The following ANO3 variants were observed in gnomAD, a reference collection of about 807,000 sequenced individuals.
The protein encoded by ANO3 is anoctamin 3, also known as anoctamin-3.
In ANO3, 99 loss-of-function variants were observed where a neutral mutation model predicts 144.8. That is an observed-to-expected ratio of 0.68 (90% CI 0.58 to 0.81). The LOEUF is 0.81. ANO3 is among the 30% of genes least tolerant of loss of function. The pLI is 0.00. For synonymous variants in ANO3, 414 were observed against 392.6 expected (o/e 1.05, Z -0.64); for missense variants, 905 against 1,202.2 (o/e 0.75, Z 3.66).
At chr11:26,344,246 C>T (rs1248248107) in intron 1 of ANO3, among the ~76,000 whole-genome samples, 4 of 152,050 alleles carry the variant, frequency 2.6e-5, no homozygotes, top group Non-Finnish European at 5.9e-5. Flanking sequence ...TTACTTTCAC[C>T]ATTTTTTATG....
chr11:26,280,607 T>A (rs952761848), intron 1 of ANO3, among the ~76,000 whole-genome samples: 1 of 152,188 alleles, frequency 6.6e-6, no homozygotes, highest in Non-Finnish European at 1.5e-5. Context: ...CCCACCCAGA[T>A]TGGCGGGTGA....
At chr11:26,567,547 A>G (rs1303685519) in intron 14 of ANO3, among the ~76,000 whole-genome samples, 1 of 151,968 alleles carries the variant, frequency 6.6e-6, no homozygotes, top group African/African-American at 2.4e-5. Flanking sequence ...ATGTGGTACA[A>G]CGTAAATATA....
intron 1 of ANO3, among the ~76,000 whole-genome samples, chr11:26,347,434 C>T (rs985584688): frequency 6.6e-6 from 1 of 152,216 alleles, no homozygotes; most frequent in African/African-American, 2.4e-5. Flanking sequence ...AGGTGACTAT[C>T]TGTGTTCCAG....
intron 1 of ANO3, among the ~76,000 whole-genome samples, chr11:26,236,368 A>C (rs1463357421): frequency 2.0e-5 from 3 of 152,186 alleles, no homozygotes; most frequent in Non-Finnish European, 4.4e-5. Flanking sequence ...TCTCATCAAT[A>C]TATTATACTA....
At chr11:26,378,186 A>G (rs1856466550) in intron 1 of ANO3, among the ~76,000 whole-genome samples, 1 of 151,712 alleles carries the variant, frequency 6.6e-6, no homozygotes, top group African/African-American at 2.4e-5. Context: ...GCTGGTAAAT[A>G]AATATAAATC....
chr11:26,404,747 T>A (rs542236459), intron 1 of ANO3, among the ~76,000 whole-genome samples: 1 of 151,830 alleles, frequency 6.6e-6, no homozygotes, highest in Non-Finnish European at 1.5e-5. Flanking sequence ...AATCTTGAGA[T>A]AAAAATCTAT....
chr11:26,267,123 A>G (rs921140299), intron 1 of ANO3, among the ~76,000 whole-genome samples: 1 of 151,436 alleles, frequency 6.6e-6, no homozygotes, highest in Non-Finnish European at 1.5e-5. Flanking sequence ...AAGAAAAGAA[A>G]AAGACTTTTG....
At chr11:26,488,664 G>A (rs1860569152) in intron 4 of ANO3, among the ~76,000 whole-genome samples, 2 of 152,202 alleles carry the variant, frequency 1.3e-5, no homozygotes, top group Admixed American at 1.3e-4. Flanking sequence ...GTTCCTCCCA[G>A]TGGGTTCATG....
chr11:26,513,347 A>G (rs893616839), intron 5 of ANO3, among the ~76,000 whole-genome samples: 17 of 152,158 alleles, frequency 1.1e-4, no homozygotes, highest in Admixed American at 3.3e-4. Flanking sequence ...AGTGTGAGCA[A>G]AGAAGCTGCT....
chr11:26,414,645 G>A (rs528614362), intron 1 of ANO3, among the ~76,000 whole-genome samples: 1 of 151,582 alleles, frequency 6.6e-6, no homozygotes, highest in African/African-American at 2.4e-5. Context: ...ATGCTTGCAG[G>A]GCTTAAATCC....
intron 14 of ANO3, among the ~76,000 whole-genome samples, chr11:26,582,134 A>G (rs899314069): frequency 6.6e-6 from 1 of 152,188 alleles, no homozygotes; most frequent in Non-Finnish European, 1.5e-5. Context: ...AACCCAGAAC[A>G]TCCCTACTCT....
intron 1 of ANO3, among the ~76,000 whole-genome samples, chr11:26,418,815 A>T (rs1465390523): frequency 6.6e-6 from 1 of 152,036 alleles, no homozygotes; most frequent in Non-Finnish European, 1.5e-5. Context: ...GTAAATGAAG[A>T]GGCATAGATT....
chr11:26,653,010 G>C (rs1272793429), intron 24 of ANO3, among the ~76,000 whole-genome samples: 1 of 152,198 alleles, frequency 6.6e-6, no homozygotes, highest in Non-Finnish European at 1.5e-5. Flanking sequence ...AGTCATGTCT[G>C]CTAGTTCTCC....
At chr11:26,213,037 A>T (rs1179772419) in intron 1 of ANO3, among the ~76,000 whole-genome samples, 3 of 152,174 alleles carry the variant, frequency 2.0e-5, no homozygotes, top group African/African-American at 4.8e-5. Context: ...AAACCACCTG[A>T]TTATCTCAAT....
chr11:26,516,981 CTT>C, intron 6 of ANO3, 54 bp downstream of exon 6: 2 of 1,087,380 alleles, frequency 1.8e-6, no homozygotes, highest in Non-Finnish European at 2.7e-6. Context: ...ATGAGTCTAT[CTT>C]TGCATCACCT....
At chr11:26,541,843 T>G (rs1849652588) in intron 10 of ANO3, 104 bp from the exon 11 acceptor site, 2 of 1,097,904 alleles carry the variant, frequency 1.8e-6, no homozygotes, top group Non-Finnish European at 2.5e-6. Flanking sequence ...TTTTGAAGCT[T>G]TCAATAAGTT....
intron 14 of ANO3, among the ~76,000 whole-genome samples, chr11:26,576,127 G>A (rs1850979971): frequency 6.6e-6 from 1 of 152,162 alleles, no homozygotes; most frequent in South Asian, 2.1e-4. Flanking sequence ...AGGAAGCAGT[G>A]TGCTGAGTAG....
chr11:26,394,305 A>G (rs1856950334), intron 1 of ANO3, among the ~76,000 whole-genome samples: 1 of 152,164 alleles, frequency 6.6e-6, no homozygotes, highest in African/African-American at 2.4e-5. Context: ...AAAATCAGAG[A>G]AATTTTGGGA....
chr11:26,551,969 C>T (rs1012300328), intron 12 of ANO3, among the ~76,000 whole-genome samples: 15 of 151,894 alleles, frequency 9.9e-5, no homozygotes, highest in Non-Finnish European at 8.8e-5. Context: ...GAAAAGTTCC[C>T]TTAAAATATG....
Sources: allele counts gnomAD v4.1 joint callset (sites outside exome capture counted in the v4.1 genomes callset), GRCh38; gene constraint gnomAD v4.1.1; transcripts MANE v1.5; gene names NCBI Gene and HGNC (gene_info 2026-07-23, HGNC 2026-07-21).